The following FTO variants were observed in gnomAD, a reference collection of about 807,000 sequenced individuals.
The protein encoded by FTO is FTO alpha-ketoglutarate dependent dioxygenase, also known as alpha-ketoglutarate-dependent dioxygenase FTO.
FTO carries 47 observed loss-of-function variants against 63.9 expected under a neutral mutation model. That is an observed-to-expected ratio of 0.74 (90% CI 0.58 to 0.94). The LOEUF is 0.94. Ranked by LOEUF, FTO falls within the 40% of genes least tolerant of loss-of-function variation. The pLI is 0.00. For synonymous variants in FTO, 207 were observed against 224.4 expected, an observed-to-expected ratio of 0.92 and a Z score of 0.69; for missense variants, 562 against 618.1, an observed-to-expected ratio of 0.91 and a Z score of 0.96.
At chr16:53,934,202 C>T in intron 8 of FTO, 93 bp downstream of exon 8, 2 of 1,358,438 alleles carry the variant, frequency 1.5e-6, no homozygotes, top group Non-Finnish European at 1.0e-6. Flanking sequence ...CATCCCTTTC[C>T]TTTGAGGGCC....
intron 8 of FTO, among the ~76,000 whole-genome samples, chr16:54,019,571 T>C (rs62034069): frequency 0.04 from 6,042 of 152,284 alleles, 164 homozygotes; most frequent in Middle Eastern, 0.12. Context: ...CCTTTACATT[T>C]TCCTAAAAAC....
intron 8 of FTO, among the ~76,000 whole-genome samples, chr16:53,988,522 T>G (rs1157316273): frequency 6.6e-6 from 1 of 152,186 alleles, no homozygotes; most frequent in African/African-American, 2.4e-5. Flanking sequence ...GTATCTTAGA[T>G]GGCAAGGAAA....
intron 8 of FTO, among the ~76,000 whole-genome samples, chr16:53,958,258 G>A (rs1053273571): frequency 7.9e-5 from 12 of 152,080 alleles, no homozygotes; most frequent in Non-Finnish European, 1.3e-4. Flanking sequence ...ACTTTTCCTC[G>A]ACCAATTTTG....
intron 1 of FTO, among the ~76,000 whole-genome samples, chr16:53,767,189 C>T (rs537692156): frequency 4.6e-5 from 7 of 152,264 alleles, no homozygotes; most frequent in South Asian, 2.1e-4. Context: ...GTTTAGTCTA[C>T]GCACTGTCCA....
At chr16:53,899,262 G>C (rs980029537) in intron 7 of FTO, among the ~76,000 whole-genome samples, 1 of 151,438 alleles carries the variant, frequency 6.6e-6, no homozygotes, top group African/African-American at 2.4e-5. Flanking sequence ...GCTTAAGTAG[G>C]TTATTAGTTT....
chr16:53,850,742 CT>C (rs199545139), intron 4 of FTO, among the ~76,000 whole-genome samples: 1 of 150,446 alleles, frequency 6.6e-6, no homozygotes, highest in Non-Finnish European at 1.5e-5. Flanking sequence ...CTGACACTCA[CT>C]TTTTTTTTCC....
chr16:53,828,283 G>C lies in FTO; in HGVS notation c.751+1792G>C, dbSNP rs184370602. On this transcript the variant is annotated intron_variant, in intron 3 of 8. Coordinates refer to ENST00000471389, the MANE Select transcript of FTO (RefSeq NM_001080432.3). ...CGCCCAGGCTGGAGTGCAGTGGTGC[G>C]ATCTCCACTCACTGCAAGCTCCGCC... Among the ~76,000 whole-genome samples, 728 of 151,992 alleles carry C rather than the reference G, an allele frequency of 4.8e-3. 7 individuals carry two copies. Among genetic ancestry groups the C allele is most frequent in the African/African-American group, 0.017 (699 of 41,474 alleles).
intron 5 of FTO, among the ~76,000 whole-genome samples, chr16:53,874,199 G>A (rs1444669311): frequency 1.3e-5 from 2 of 152,156 alleles, no homozygotes; most frequent in South Asian, 4.1e-4. Flanking sequence ...GAAGAATTGG[G>A]GCAGATTTTT....
chr16:53,764,800 A>G (rs2077159438), intron 1 of FTO, among the ~76,000 whole-genome samples: 1 of 152,064 alleles, frequency 6.6e-6, no homozygotes, highest in Admixed American at 6.5e-5. Context: ...GTTCACTGCA[A>G]CCTCTGCCTC....
At chr16:54,075,867 T>G (rs2085980705) in intron 8 of FTO, among the ~76,000 whole-genome samples, 2 of 152,186 alleles carry the variant, frequency 1.3e-5, no homozygotes, top group African/African-American at 4.8e-5. Flanking sequence ...TTATAGTTCT[T>G]AGAATAATAT....
intron 4 of FTO, among the ~76,000 whole-genome samples, chr16:53,846,280 T>G (rs1019386027): frequency 1.3e-5 from 2 of 152,178 alleles, no homozygotes; most frequent in Non-Finnish European, 2.9e-5. Flanking sequence ...GTTTATTTTT[T>G]AAAGTCCCTA....
At chr16:53,831,862 GGAAAT>G (rs1224947829) in intron 3 of FTO, among the ~76,000 whole-genome samples, 2 of 152,144 alleles carry the variant, frequency 1.3e-5, no homozygotes, top group South Asian at 2.1e-4. Flanking sequence ...TGAGAGAAGA[GGAAAT>G]GAAATGAAGA....
intron 7 of FTO, among the ~76,000 whole-genome samples, chr16:53,923,826 T>C (rs2082067935): frequency 6.6e-6 from 1 of 152,076 alleles, no homozygotes; most frequent in Non-Finnish European, 1.5e-5. Context: ...AGGCCATCTT[T>C]TCCCACAGCA....
At chr16:54,075,327 G>T (rs534766592) in intron 8 of FTO, among the ~76,000 whole-genome samples, 1 of 152,162 alleles carries the variant, frequency 6.6e-6, no homozygotes, top group African/African-American at 2.4e-5. Flanking sequence ...GTTCGCCTCT[G>T]ATAAAAAAGA....
In FTO at chr16:54,049,536, G is replaced by C. The variant is rs1013433863; in HGVS notation, c.1365-62226G>C. On this transcript the variant is annotated intron_variant, in intron 8 of 8. Transcript: ENST00000471389. ...TACAATTAAATTCAAAGTGGTGAGG[G>C]GGGGAAATGGCCATGTTTACATATA... Among the ~76,000 whole-genome samples the C allele has an allele frequency of 3.3e-5, 5 of 152,286 alleles. No homozygotes were observed. In the South Asian group the frequency reaches 8.3e-4, roughly 25 times the overall value.
At chr16:53,785,968 A>C (rs1435222061) in intron 1 of FTO, among the ~76,000 whole-genome samples, 1 of 151,676 alleles carries the variant, frequency 6.6e-6, no homozygotes, top group Non-Finnish European at 1.5e-5. Context: ...TATTTTACGC[A>C]AAGTGGGAGC....
In FTO at chr16:54,082,989, A is replaced by G. The variant is rs1186822736; in HGVS notation, c.1365-28773A>G. Among the ~76,000 whole-genome samples, 4 of 152,118 alleles carry G rather than the reference A, an allele frequency of 2.6e-5. No individual in the cohort carries two copies. The South Asian group carries it at 6.2e-4, about 24-fold the overall frequency. Reference sequence around the variant, plus strand: ...AAATACTCTAAAATGTATTTTTTTCATTGTGATTATGTTACAGTGGTTTCT... The same window carrying G: ...AAATACTCTAAAATGTATTTTTTTCGTTGTGATTATGTTACAGTGGTTTCT... On this transcript the variant is annotated intron_variant, in intron 8 of 8. Transcript: ENST00000471389.
chr16:53,782,181 GT>G (rs907790662), intron 1 of FTO, among the ~76,000 whole-genome samples: 3 of 152,204 alleles, frequency 2.0e-5, no homozygotes, highest in African/African-American at 4.8e-5. Context: ...AAGAGCTTGT[GT>G]TTTTGTTTTG....
chr16:54,011,713 G>C (rs1474575805), intron 8 of FTO, among the ~76,000 whole-genome samples: 2 of 152,082 alleles, frequency 1.3e-5, no homozygotes, highest in East Asian at 1.9e-4. Flanking sequence ...CAAAAGAAAC[G>C]ATATAAAAAT....
Sources: gnomAD v4.1 joint callset for allele counts (sites outside exome capture counted in the v4.1 genomes callset) on GRCh38, gnomAD v4.1.1 for gene constraint, MANE v1.5 for transcripts, NCBI Gene and HGNC (gene_info 2026-07-23, HGNC 2026-07-21) for gene names.